TAF2: variants seen among roughly 807,000 people sequenced by gnomAD.
TAF2 encodes the protein transcription initiation factor TFIID subunit 2.
Under a neutral mutation model 138.5 loss-of-function variants are expected in TAF2, and 61 were observed. The observed-to-expected ratio is 0.44, with a 90% CI of 0.36 to 0.54. The LOEUF (loss-of-function observed/expected upper bound fraction) is 0.54. Ranked by LOEUF, TAF2 falls within the 20% of genes least tolerant of loss-of-function variation. The probability of loss-of-function intolerance (pLI) is 0.00; values close to 1 mark genes in which losing one functional copy is unlikely to be tolerated. For missense variants in TAF2, 1,090 were observed against 1,427.9 expected, an observed-to-expected ratio of 0.76 and a Z score of 3.81; for synonymous variants, 475 against 469.9, an observed-to-expected ratio of 1.01 and a Z score of -0.14.
rs568163307 is a variant in TAF2 at position 119,746,613 on chromosome 8, C to T, written c.3108+92G>A. ...AGGACACAAGAAACTGTGTTAGTGG[C>T]TATAAAATTCACTAGTTCACAGGAA... On this transcript the variant is annotated intron_variant, in intron 23 of 25. Transcript: ENST00000378164. 2.3e-6 allele frequency: 3 copies of T among 1,298,456 alleles called. No individual in the cohort carries two copies. The Admixed American group carries it at 5.1e-5, about 22-fold the overall frequency. The allele number at this position is 1,298,456 out of a possible 1,614,324, so 80.4% of individuals were successfully genotyped here.
intron 25 of TAF2, among the ~76,000 whole-genome samples, chr8:119,736,649 G>T (rs1381410498): frequency 6.6e-6 from 1 of 152,104 alleles, no homozygotes; most frequent in Non-Finnish European, 1.5e-5. Context: ...TAGCTTTATA[G>T]AAGTAATCCA....
At chr8:119,754,847 G>T (rs1417411114) in intron 22 of TAF2, among the ~76,000 whole-genome samples, 2 of 152,014 alleles carry the variant, frequency 1.3e-5, no homozygotes, top group Non-Finnish European at 2.9e-5. Context: ...TTCTTTAAAG[G>T]TACACATTTA....
chr8:119,796,324 A>T (rs1823823417), intron 8 of TAF2, among the ~76,000 whole-genome samples: 1 of 152,096 alleles, frequency 6.6e-6, no homozygotes, highest in Admixed American at 6.6e-5. Flanking sequence ...CGAAAAAAGA[A>T]AACCAACATT....
chr8:119,739,840 T>C (rs1819479402), intron 25 of TAF2, among the ~76,000 whole-genome samples: 1 of 151,450 alleles, frequency 6.6e-6, no homozygotes, highest in Admixed American at 6.6e-5. Context: ...AAATCCAGAA[T>C]TGCTTTTTTT....
In TAF2 at chr8:119,788,417, C is replaced by G; in HGVS notation, c.1714G>C (p.Asp572His). 1 of 1,613,144 alleles carries G rather than the reference C, an allele frequency of 6.2e-7. No individual in the cohort carries two copies. The highest frequency in any genetic ancestry group is 8.5e-7 in the Non-Finnish European group (1 of 1,179,784). The change falls in exon 14 of 26, where the codon GAT (aspartate) becomes CAT (histidine). Residue 572 changes from aspartate (D) to histidine (H), a missense_variant. By Grantham distance (81) the Asp-to-His change is moderately conservative. This residue lies in a region of TAF2 where 504 missense variants were observed against 680.9 expected (regional missense o/e 0.74). Transcript: ENST00000378164. ...TGCAGTGTATGATTGAAGGATCCAT[C>G]TAACTCCTGCACTGTCACTTTAAGT... ...GPLKVTVQEL[D>H]GSFNHTLQIE...
At chr8:119,829,936 T>C (rs1024474533) in intron 2 of TAF2, among the ~76,000 whole-genome samples, 6 of 148,450 alleles carry the variant, frequency 4.0e-5, no homozygotes, top group African/African-American at 1.5e-4. Flanking sequence ...CTCGGCTCCC[T>C]GCAAGTTCGC....
chr8:119,810,128 C>T lies in TAF2; in HGVS notation c.300-3727G>A, dbSNP rs6997027. Among the ~76,000 whole-genome samples the T allele has an allele frequency of 9.1e-3, 1,376 of 151,270 alleles. 20 individuals are homozygous for T. Among genetic ancestry groups the T allele is most frequent in the African/African-American group, 0.032 (1,312 of 41,156 alleles). Reference sequence around the variant, plus strand: ...AAAAAACCACTTTTTTGGGGGTGTACAGTTGTACAAATTTTAACATATGTA... The same window carrying T: ...AAAAAACCACTTTTTTGGGGGTGTATAGTTGTACAAATTTTAACATATGTA... On this transcript the variant is annotated intron_variant, in intron 3 of 25. Transcript: ENST00000378164.
intron 3 of TAF2, among the ~76,000 whole-genome samples, chr8:119,807,506 A>T (rs566204699): frequency 6.6e-6 from 1 of 152,254 alleles, no homozygotes. Flanking sequence ...ACAAGATGAA[A>T]TACACAAACA....
intron 17 of TAF2, among the ~76,000 whole-genome samples, chr8:119,780,598 CA>C (rs1822571658): frequency 6.6e-6 from 1 of 152,134 alleles, no homozygotes; most frequent in Non-Finnish European, 1.5e-5. Context: ...ACACAGATCA[CA>C]AAATCAATAA....
At chr8:119,797,575 C>A in intron 7 of TAF2, 87 bp downstream of exon 7, 1 of 1,381,946 alleles carries the variant, frequency 7.2e-7, no homozygotes. Context: ...AAGTTCAAAG[C>A]TCGTCTTAAA....
intron 23 of TAF2, among the ~76,000 whole-genome samples, chr8:119,745,811 G>GTGTT (rs1237709539): frequency 7.2e-6 from 1 of 139,312 alleles, no homozygotes; most frequent in East Asian, 2.0e-4. Context: ...GTGTGTGTGT[G>GTGTT]TGTGTGTGTG....
intron 14 of TAF2, among the ~76,000 whole-genome samples, chr8:119,785,679 T>G (rs1357138790): frequency 6.6e-6 from 1 of 152,208 alleles, no homozygotes; most frequent in Non-Finnish European, 1.5e-5. Flanking sequence ...CTGTCCTATA[T>G]GAATTAGCTA....
chr8:119,774,637 C>A (rs1057220296), intron 18 of TAF2, among the ~76,000 whole-genome samples: 5 of 151,994 alleles, frequency 3.3e-5, no homozygotes, highest in African/African-American at 1.2e-4. Context: ...TTTACAAAAC[C>A]ACATACTGAC....
At chr8:119,803,740 G>T in intron 5 of TAF2, 138 bp downstream of exon 5, 1 of 889,870 alleles carries the variant, frequency 1.1e-6, no homozygotes, top group Non-Finnish European at 1.6e-6. Flanking sequence ...ATGACTAACA[G>T]AAAGTAATTT....
chr8:119,734,373 C>A (rs961197605), intron 25 of TAF2, among the ~76,000 whole-genome samples: 4 of 152,134 alleles, frequency 2.6e-5, no homozygotes, highest in African/African-American at 9.7e-5. Context: ...TTTCTCATCA[C>A]TAAGTTTGAT....
At chr8:119,819,259 A>G in intron 3 of TAF2, 87 bp downstream of exon 3, 1 of 1,428,324 alleles carries the variant, frequency 7.0e-7, no homozygotes, top group Non-Finnish European at 9.7e-7. Context: ...ATCCAAAAAA[A>G]AAATACTTTG....
chr8:119,743,031 C>T (rs960444307), intron 24 of TAF2, among the ~76,000 whole-genome samples: 15 of 151,342 alleles, frequency 9.9e-5, no homozygotes, highest in Admixed American at 2.6e-4. Flanking sequence ...ATGGCACTAC[C>T]GCACTCCAGC....
chr8:119,771,752 A>G (rs1027267399), intron 18 of TAF2, among the ~76,000 whole-genome samples: 1 of 152,202 alleles, frequency 6.6e-6, no homozygotes, highest in East Asian at 1.9e-4. Flanking sequence ...GTGGACTTCA[A>G]CACCCCACTG....
intron 12 of TAF2, 69 bp downstream of exon 12, chr8:119,789,523 T>A: frequency 6.3e-7 from 1 of 1,582,472 alleles, no homozygotes; most frequent in South Asian, 1.1e-5. Flanking sequence ...CCTCTCTTCT[T>A]CCATCTTCCC....
Sources: gnomAD v4.1 joint callset for allele counts (sites outside exome capture counted in the v4.1 genomes callset) on GRCh38, gnomAD v4.1.1 for gene constraint, gnomAD v4.1.1 regional missense constraint, MANE v1.5 for transcripts, NCBI Gene and HGNC (gene_info 2026-07-23, HGNC 2026-07-21) for gene names.